The following ZFHX3 variants were observed in gnomAD, a reference collection of about 807,000 sequenced individuals.
The protein encoded by ZFHX3 is zinc finger homeobox protein 3.
A neutral mutation model predicts 279.1 loss-of-function variants in ZFHX3; 42 were observed. The ratio of observed to expected loss-of-function variants is 0.15; its 90% CI spans 0.12 to 0.19. The LOEUF is 0.19. Ranked by LOEUF, ZFHX3 falls within the 10% of genes least tolerant of loss-of-function variation. The probability of loss-of-function intolerance (pLI) is 1.00; values close to 1 mark genes in which losing one functional copy is unlikely to be tolerated. For synonymous variants in ZFHX3, 2,293 were observed against 1,957.8 expected, an observed-to-expected ratio of 1.17 and a Z score of -4.52; for missense variants, 4,981 against 4,754.0, an observed-to-expected ratio of 1.05 and a Z score of -1.40.
At chr16:73,633,248 C>T (rs924292870) in intron 2 of ZFHX3, among the ~76,000 whole-genome samples, 2 of 152,138 alleles carry the variant, frequency 1.3e-5, no homozygotes, top group African/African-American at 4.8e-5. Flanking sequence ...GGAGAAACCA[C>T]CAGAGGCCCA....
At chr16:73,724,419 C>A (rs2053500927) in intron 1 of ZFHX3, among the ~76,000 whole-genome samples, 1 of 152,168 alleles carries the variant, frequency 6.6e-6, no homozygotes, top group Non-Finnish European at 1.5e-5. Context: ...TATTTTTTTA[C>A]AAAGCTCACA....
intron 1 of ZFHX3, among the ~76,000 whole-genome samples, chr16:73,886,205 T>A (rs962480686): frequency 6.6e-5 from 10 of 152,060 alleles, no homozygotes; most frequent in Non-Finnish European, 1.2e-4. Context: ...CTTCCTTTTT[T>A]AAAAAATAAA....
At chr16:73,784,780 A>G (rs9926064) in intron 1 of ZFHX3, among the ~76,000 whole-genome samples, 14,861 of 120,400 alleles carry the variant, frequency 0.12, 2,582 homozygotes, top group African/African-American at 0.45. Context: ...ACTATTTTTA[A>G]CAAAATAAAA....
At chr16:73,680,136 A>G in intron 2 of ZFHX3, 1 of 152,232 alleles carries the variant, frequency 6.6e-6, no homozygotes, top group South Asian at 2.1e-4. Flanking sequence ...AGAAAAGTCC[A>G]TGGATAACTT....
chr16:73,402,730 T>A (rs1003115360), intron 3 of ZFHX3, among the ~76,000 whole-genome samples: 1 of 152,184 alleles, frequency 6.6e-6, no homozygotes, highest in Non-Finnish European at 1.5e-5. Context: ...GGGACAGGTC[T>A]GTATACAAAG....
chr16:73,453,597 T>G (rs1047952057), intron 3 of ZFHX3, among the ~76,000 whole-genome samples: 1 of 152,160 alleles, frequency 6.6e-6, no homozygotes, highest in Non-Finnish European at 1.5e-5. Context: ...AGGAACCGTC[T>G]CAAACATTTC....
At chr16:73,350,669 C>T (rs62052291) in intron 3 of ZFHX3, among the ~76,000 whole-genome samples, 17,612 of 152,226 alleles carry the variant, frequency 0.12, 1,190 homozygotes, top group Middle Eastern at 0.18. Context: ...CATCACTTCT[C>T]CTGCATCCTG....
intron 5 of ZFHX3, among the ~76,000 whole-genome samples, chr16:72,814,254 C>T (rs1215953669): frequency 6.6e-6 from 1 of 152,146 alleles, no homozygotes; most frequent in Non-Finnish European, 1.5e-5. Flanking sequence ...ATACACCCAT[C>T]CCCATCCTTT....
At chr16:73,690,497 A>C (rs2053138077) in intron 1 of ZFHX3, among the ~76,000 whole-genome samples, 1 of 152,166 alleles carries the variant, frequency 6.6e-6, no homozygotes, top group South Asian at 2.1e-4. Flanking sequence ...ACTATCTTTC[A>C]CACTGTGGCA....
intron 5 of ZFHX3, among the ~76,000 whole-genome samples, chr16:73,148,160 G>A (rs769422177): frequency 6.6e-6 from 1 of 152,154 alleles, no homozygotes; most frequent in Non-Finnish European, 1.5e-5. Flanking sequence ...TCTGCACCAC[G>A]ACAGCAGAGT....
chr16:73,841,592 AAG>A (rs1961310600), intron 1 of ZFHX3, among the ~76,000 whole-genome samples: 1 of 152,102 alleles, frequency 6.6e-6, no homozygotes, highest in Non-Finnish European at 1.5e-5. Context: ...CCATGGCCAC[AAG>A]AGGGTCCCCA....
intron 3 of ZFHX3, among the ~76,000 whole-genome samples, chr16:72,932,906 T>C (rs1959900842): frequency 1.3e-5 from 2 of 152,178 alleles, no homozygotes; most frequent in Admixed American, 1.3e-4. Context: ...CAAGTCATTC[T>C]ATTAGCCCAT....
intron 1 of ZFHX3, among the ~76,000 whole-genome samples, chr16:73,852,310 G>C (rs765882613): frequency 1.1e-4 from 16 of 152,172 alleles, no homozygotes; most frequent in Non-Finnish European, 2.1e-4. Context: ...TGTTAATGGT[G>C]AGTCTACTCA....
At chr16:73,410,221 G>T (rs1280853311) in intron 3 of ZFHX3, among the ~76,000 whole-genome samples, 1 of 152,144 alleles carries the variant, frequency 6.6e-6, no homozygotes, top group African/African-American at 2.4e-5. Context: ...TTTGAGACCA[G>T]TCTGACCAAC....
chr16:73,031,775 G>C (rs894921185), intron 1 of ZFHX3, among the ~76,000 whole-genome samples: 2 of 152,142 alleles, frequency 1.3e-5, no homozygotes, highest in Non-Finnish European at 2.9e-5. Context: ...GGTCACCACG[G>C]GCCCTCTGGC....
At chr16:73,454,347 T>C (rs2018334065) in intron 3 of ZFHX3, among the ~76,000 whole-genome samples, 1 of 152,118 alleles carries the variant, frequency 6.6e-6, no homozygotes, top group South Asian at 2.1e-4. Context: ...GATACAAAGA[T>C]GGTAGGTTCT....
intron 7 of ZFHX3, chr16:73,093,832 G>A (rs775827273): frequency 7.2e-6 from 2 of 277,386 alleles, no homozygotes; most frequent in East Asian, 8.7e-5. Flanking sequence ...TTCTGGAAGC[G>A]AGGCGGGAAA....
chr16:72,973,416 G>A (rs1234079598), intron 1 of ZFHX3: 2 of 152,144 alleles, frequency 1.3e-5, no homozygotes, highest in East Asian at 1.9e-4. Flanking sequence ...CACCTGTGTC[G>A]TTTCCCTCCA....
intron 1 of ZFHX3, among the ~76,000 whole-genome samples, chr16:73,022,365 A>C (rs1964331375): frequency 6.6e-6 from 1 of 152,102 alleles, no homozygotes; most frequent in South Asian, 2.1e-4. Flanking sequence ...GAAAGGCAGG[A>C]GGGAGAGGAG....
Sources: allele counts gnomAD v4.1 joint callset (sites outside exome capture counted in the v4.1 genomes callset), GRCh38; gene constraint gnomAD v4.1.1; transcripts MANE v1.5; gene names NCBI Gene and HGNC (gene_info 2026-07-23, HGNC 2026-07-21).